RCC1L: variants seen among roughly 807,000 people sequenced by gnomAD.
RCC1L encodes RCC1-like G exchanging factor-like protein.
Under a neutral mutation model 58.6 loss-of-function variants are expected in RCC1L, and 46 were observed. That is an observed-to-expected ratio of 0.79 (90% confidence interval 0.62 to 1.00). The LOEUF (loss-of-function observed/expected upper bound fraction) is 1.00, where lower values mean the gene tolerates loss of function less well. Ranked by LOEUF, RCC1L falls within the 50% of genes least tolerant of loss-of-function variation. RCC1L has a pLI of 0.00. For missense variants in RCC1L, 636 were observed against 623.6 expected (o/e 1.02, Z -0.21); for synonymous variants, 281 against 262.9 (o/e 1.07, Z -0.67).
intron 10 of RCC1L, among the ~76,000 whole-genome samples, chr7:75,032,816 A>C (rs1805340816): frequency 2.0e-5 from 3 of 152,124 alleles, no homozygotes; most frequent in African/African-American, 7.2e-5. Context: ...TCACACCTGT[A>C]ATCCCAGCAC....
At chr7:75,047,574 T>G (rs1805764067) in intron 10 of RCC1L, among the ~76,000 whole-genome samples, 1 of 152,128 alleles carries the variant, frequency 6.6e-6, no homozygotes, top group Non-Finnish European at 1.5e-5. Context: ...TGTGCCCGGC[T>G]TTTAACTTGT....
Position 75,042,249 on chromosome 7 carries a change from G to T in RCC1L, c.*783C>A. The T allele has an allele frequency of 1.0e-6, 1 of 985,470 alleles. No individual in the cohort carries two copies. Among genetic ancestry groups the T allele is most frequent in the Non-Finnish European group, 1.2e-6 (1 of 829,944 alleles). The allele number at this position is 985,470 out of a possible 1,614,324, so 61.0% of individuals were successfully genotyped here. On this transcript the variant is annotated 3_prime_UTR_variant, in exon 11 of 11. Transcript: ENST00000610322. ...GATTTGTAAAAGATGTTTTTAAAGG[G>T]AAAGGCAAGTCACGCTACTAAATCA...
intron 5 of RCC1L, among the ~76,000 whole-genome samples, chr7:75,062,283 C>G (rs1806300993): frequency 6.6e-6 from 1 of 152,160 alleles, no homozygotes; most frequent in Non-Finnish European, 1.5e-5. Flanking sequence ...TTTGGGCAGC[C>G]AAGGCGGGAG....
rs1806127081 is a variant in RCC1L at position 75,057,737 on chromosome 7, C to T, written c.970-121G>A. 5.8e-6 allele frequency: 5 copies of T among 861,428 alleles called. No homozygotes were observed. The Admixed American group carries it at 5.9e-5, about 10-fold the overall frequency. The allele number at this position is 861,428 out of a possible 1,614,324, so 53.4% of individuals were successfully genotyped here. A position where few individuals can be genotyped will look rare whatever the true frequency, so the allele number is the denominator to read the frequency against. On this transcript the variant is annotated intron_variant, in intron 7 of 10. Transcript: ENST00000610322. ...CATTCATTCACTCCACAGATACTTCCTGAACATCACATGCCAAGCATCATA... is the reference window on the plus strand; with the variant it reads ...CATTCATTCACTCCACAGATACTTCTTGAACATCACATGCCAAGCATCATA...
Position 75,058,642 on chromosome 7 carries a change from A to T in RCC1L, c.915T>A (p.Phe305Leu). 1.9e-6 allele frequency: 3 copies of T among 1,613,348 alleles called. No individual in the cohort carries two copies. Among genetic ancestry groups the T allele is most frequent in the Non-Finnish European group, 2.5e-6 (3 of 1,179,564 alleles). ...CLAVSADGGL[F>L]GWGNSEYLQL... Reference sequence around the variant, plus strand: ...GCAGGTACTCCGAGTTTCCCCAACCAAAAAGTCCTCCGTCGGCGGACACGG... The same window carrying T: ...GCAGGTACTCCGAGTTTCCCCAACCTAAAAGTCCTCCGTCGGCGGACACGG... Residue 305 changes from phenylalanine (F) to leucine (L), a missense_variant, in exon 7 of 11, where the codon TTT becomes TTA. Phe to Leu is a conservative substitution (Grantham distance 22). Transcript: ENST00000610322.
At chr7:75,057,467 T>C in intron 8 of RCC1L, 62 bp downstream of exon 8, 1 of 1,557,216 alleles carries the variant, frequency 6.4e-7, no homozygotes, top group Admixed American at 1.7e-5. Context: ...CAATGGACAC[T>C]GACCACTCCC....
intron 10 of RCC1L, among the ~76,000 whole-genome samples, chr7:75,037,034 C>T (rs1434126778): frequency 6.6e-6 from 1 of 152,174 alleles, no homozygotes; most frequent in African/African-American, 2.4e-5. Flanking sequence ...GGCATCCTTC[C>T]GACTGGCGTG....
At chr7:75,057,268 C>A (rs1806110669) in intron 8 of RCC1L, among the ~76,000 whole-genome samples, 1 of 152,168 alleles carries the variant, frequency 6.6e-6, no homozygotes, top group Non-Finnish European at 1.5e-5. Flanking sequence ...CCACCACACC[C>A]AGCCTTCCAG....
chr7:75,037,883 T>C (rs1805462449), downstream of RCC1L, among the ~76,000 whole-genome samples: 1 of 152,236 alleles, frequency 6.6e-6, no homozygotes, highest in Admixed American at 6.5e-5. Context: ...AGCACAGCTA[T>C]CAGGACTCCT....
At chr7:75,038,805 G>A (rs1805484122), downstream of RCC1L, among the ~76,000 whole-genome samples, 1 of 152,322 alleles carries the variant, frequency 6.6e-6, no homozygotes, top group African/African-American at 2.4e-5. Context: ...GGGTCCCTGG[G>A]AGGCAGCTCA....
downstream of RCC1L, among the ~76,000 whole-genome samples, chr7:75,037,503 CTTTTT>C (rs1191475757): frequency 8.6e-6 from 1 of 116,720 alleles, no homozygotes; most frequent in South Asian, 3.0e-4. Context: ...TGGTTTATAT[CTTTTT>C]TTTTTTTTTT....
At position 75,042,942 on chromosome 7, in the gene RCC1L, A is replaced by G. The variant is rs1805609196; in HGVS notation, c.*90T>C. The G allele has an allele frequency of 6.2e-6, 10 of 1,601,504 alleles. No individual in the cohort carries two copies. The highest frequency in any genetic ancestry group is 1.7e-4 in the Middle Eastern group (1 of 5,810). ...GCAGGGTCCTCCGCCACCACCATCC[A>G]AGAACCCCGGGGGGCTGGCCACGCG... On this transcript the variant is annotated 3_prime_UTR_variant, in exon 11 of 11. Transcript: ENST00000610322.
chr7:75,042,768 G>A lies in RCC1L; in HGVS notation c.*264C>T, dbSNP rs1805604539. ...GACACCGTCGCATGTTACTTGGAGA[G>A]AACAGAGACGTGCGGGCCACAGCGG... On this transcript the variant is annotated 3_prime_UTR_variant, in exon 11 of 11. Coordinates refer to ENST00000610322, the MANE Select transcript of RCC1L (RefSeq NM_030798.5). The A allele has an allele frequency of 2.1e-6, 3 of 1,411,036 alleles. No homozygotes were observed. Among genetic ancestry groups the A allele is most frequent in the Non-Finnish European group, 2.8e-6 (3 of 1,075,906 alleles). 87.4% of individuals were successfully genotyped at this position (1,411,036 alleles called of 1,614,324 possible).
chr7:75,051,355 C>T (rs377575213), intron 10 of RCC1L, among the ~76,000 whole-genome samples: 128,982 of 149,454 alleles, frequency 0.86, 55,724 homozygotes, highest in East Asian at 0.95. Context: ...TACACACACA[C>T]ATATATATAC....
Position 75,073,518 on chromosome 7 carries a change from C to A in RCC1L, c.220G>T (p.Val74Leu). ...WGFSFSGALG[V>L]PSFVVPSSGP... is the part of the protein sequence containing the mutation. ...GAGCTGGGCACCACAAAGGAAGGCACGCCCAGCGCCCCCGAGAAGCTGAAG... is the reference window on the plus strand; with the variant it reads ...GAGCTGGGCACCACAAAGGAAGGCAAGCCCAGCGCCCCCGAGAAGCTGAAG... Residue 74 changes from valine to leucine, a missense_variant, in exon 1 of 11, where the codon GTG becomes TTG. Transcript: ENST00000610322. 1 of 1,446,470 alleles carries A rather than the reference C, an allele frequency of 6.9e-7. No homozygotes were observed. The highest frequency in any genetic ancestry group is 9.0e-7 in the Non-Finnish European group (1 of 1,107,408). The allele number at this position is 1,446,470 out of a possible 1,614,324, so 89.6% of individuals were successfully genotyped here. A position where few individuals can be genotyped will look rare whatever the true frequency, so the allele number is the denominator to read the frequency against.
chr7:75,060,620 G>A (rs1311859828), intron 6 of RCC1L, among the ~76,000 whole-genome samples: 3 of 152,084 alleles, frequency 2.0e-5, no homozygotes, highest in African/African-American at 7.2e-5. Flanking sequence ...TAGTAGAGAT[G>A]GGGTTTCGCC....
intron 4 of RCC1L, among the ~76,000 whole-genome samples, chr7:75,064,169 A>C (rs971233997): frequency 9.9e-5 from 15 of 151,824 alleles, no homozygotes; most frequent in Non-Finnish European, 1.9e-4. Context: ...CTCTCTACTA[A>C]AACTACAAAA....
intron 10 of RCC1L, among the ~76,000 whole-genome samples, chr7:75,052,332 G>A (rs1476136865): frequency 6.6e-6 from 1 of 152,054 alleles, no homozygotes; most frequent in African/African-American, 2.4e-5. Flanking sequence ...TTGCACCATC[G>A]TGCCTCTGTT....
chr7:75,037,103 G>C lies in RCC1L; in HGVS notation c.1318-9024C>G, dbSNP rs1805447153. On this transcript the variant is annotated intron_variant, in intron 10 of 10. Transcript: ENST00000614461. Reference sequence around the variant, plus strand: ...CAGCTGCCACTTGCTACCAGAGCAAGAGTAAGATGTTTCTCCGGAAAAACA... The same window carrying C: ...CAGCTGCCACTTGCTACCAGAGCAACAGTAAGATGTTTCTCCGGAAAAACA... Among the ~76,000 whole-genome samples the C allele has an allele frequency of 3.3e-5, 5 of 152,166 alleles. No homozygotes were observed. The South Asian group carries it at 1.0e-3, about 31-fold the overall frequency.
Sources: gnomAD v4.1 joint callset for allele counts (sites outside exome capture counted in the v4.1 genomes callset) on GRCh38, gnomAD v4.1.1 for gene constraint, MANE v1.5 for transcripts, NCBI Gene and HGNC (gene_info 2026-07-23, HGNC 2026-07-21) for gene names.